Variants in ZNF670 observed in about 807,000 individuals in gnomAD.
The protein encoded by ZNF670 is zinc finger protein 670.
In ZNF670, 7 loss-of-function variants were observed where a neutral mutation model predicts 10.9. The observed-to-expected ratio is 0.64, with a 90% CI of 0.36 to 1.20. The LOEUF is 1.20. Ranked by LOEUF, ZNF670 falls within the 50% of genes most tolerant of loss-of-function variation. The pLI, the probability that ZNF670 is intolerant of heterozygous loss-of-function variation, is 0.02. For synonymous variants in ZNF670, 136 were observed against 152.7 expected (o/e 0.89, Z 0.81); for missense variants, 446 against 458.6 (o/e 0.97, Z 0.25).
chr1:247,037,053 G>A lies in ZNF670; in HGVS notation c.*396C>T, dbSNP rs541445556. 3.3e-3 allele frequency: 526 copies of A among 160,300 alleles called. 1 individual carries two copies. The highest frequency in any genetic ancestry group is 0.012 in the African/African-American group (495 of 41,840). 9.9% of individuals were successfully genotyped at this position (160,300 alleles called of 1,614,324 possible). A position where few individuals can be genotyped will look rare whatever the true frequency, so the allele number is the denominator to read the frequency against. On this transcript the variant is annotated 3_prime_UTR_variant, in exon 4 of 4. Coordinates refer to ENST00000366503, the MANE Select transcript of ZNF670 (RefSeq NM_033213.5). The stretch of plus-strand genomic sequence containing the variant: ...ATAGACAAAAATTATGTTAACTGAT[G>A]AGAAACAAAACACAGCCTATTAAGC...
intron 1 of ZNF670, among the ~76,000 whole-genome samples, chr1:247,054,491 AG>A (rs1382746303): frequency 6.6e-6 from 1 of 152,216 alleles, no homozygotes; most frequent in Non-Finnish European, 1.5e-5. Flanking sequence ...GGCACTGGGC[AG>A]GGTTGTGAGG....
chr1:247,075,668 G>A (rs769681841), intron 1 of ZNF670, among the ~76,000 whole-genome samples: 13 of 152,292 alleles, frequency 8.5e-5, no homozygotes, highest in East Asian at 1.9e-4. Flanking sequence ...AGCCATCCGC[G>A]TAAGACGTGA....
At chr1:247,077,139 CCAA>C (rs1201246324) in intron 1 of ZNF670, among the ~76,000 whole-genome samples, 1 of 152,178 alleles carries the variant, frequency 6.6e-6, no homozygotes, top group African/African-American at 2.4e-5. Flanking sequence ...CTGGCTGCCA[CCAA>C]CGTGTCTCCA....
At chr1:247,072,323 T>G (rs76677644) in intron 1 of ZNF670, among the ~76,000 whole-genome samples, 8,827 of 151,188 alleles carry the variant, frequency 0.058, 453 homozygotes, top group African/African-American at 0.14. Context: ...GTTTTGTTTT[T>G]TTTTTTTTTA....
Position 247,065,827 on chromosome 1 carries a change from G to A in ZNF670, c.3+12767C>T, listed in dbSNP as rs896724143. Among the ~76,000 whole-genome samples, 63 of 152,158 alleles carry A rather than the reference G, an allele frequency of 4.1e-4. 1 individual carries two copies. Among genetic ancestry groups the A allele is most frequent in the Non-Finnish European group, 2.8e-4 (19 of 68,032 alleles). ...AGGAATAAACACATATTTATGAAGG[G>A]TCAGTTTATCCATACATTCCACTGG... On this transcript the variant is annotated intron_variant, in intron 1 of 3. Transcript: ENST00000366503.
At chr1:247,066,911 C>G (rs1670992981) in intron 1 of ZNF670, among the ~76,000 whole-genome samples, 1 of 152,198 alleles carries the variant, frequency 6.6e-6, no homozygotes, top group Non-Finnish European at 1.5e-5. Context: ...CCAATAAGAA[C>G]ATTTTTAAAA....
At chr1:247,046,687 G>C (rs770438106) in intron 1 of ZNF670, among the ~76,000 whole-genome samples, 1 of 152,160 alleles carries the variant, frequency 6.6e-6, no homozygotes, top group Non-Finnish European at 1.5e-5. Context: ...CCCCCACACA[G>C]AGTCCCCACA....
chr1:247,050,474 TTTC>T (rs1375602054), intron 1 of ZNF670, among the ~76,000 whole-genome samples: 2 of 120,888 alleles, frequency 1.7e-5, no homozygotes, highest in East Asian at 2.0e-4. Context: ...GGTGAATTCT[TTTC>T]TTCTTTTTTT....
chr1:247,062,991 C>T lies in ZNF670; in HGVS notation c.3+15603G>A, dbSNP rs145101608. Among the ~76,000 whole-genome samples, 306 of 152,318 alleles carry T rather than the reference C, an allele frequency of 2.0e-3. 4 individuals are homozygous for T. The highest frequency in any genetic ancestry group is 3.4e-3 in the Middle Eastern group (1 of 294). Reference sequence around the variant, plus strand: ...GTGGCTGAGGATACATCACTCTTTACAGTTTCCATAGAGGAATCTCAGCCC... The same window carrying T: ...GTGGCTGAGGATACATCACTCTTTATAGTTTCCATAGAGGAATCTCAGCCC... On this transcript the variant is annotated intron_variant, in intron 1 of 3. Coordinates refer to ENST00000366503, the MANE Select transcript of ZNF670 (RefSeq NM_033213.5).
chr1:247,040,675 ATTTTTATTTTATT>A (rs377722402), intron 1 of ZNF670, among the ~76,000 whole-genome samples: 16 of 152,238 alleles, frequency 1.1e-4, no homozygotes, highest in African/African-American at 2.6e-4. Flanking sequence ...GCAGGAATTT[ATTTTTATTTTATT>A]TTTTTATTTT....
chr1:247,035,133 G>A lies in ZNF670; in HGVS notation c.*2316C>T, dbSNP rs190341959. On this transcript the variant is annotated 3_prime_UTR_variant, in exon 4 of 4. Coordinates refer to ENST00000366503, the MANE Select transcript of ZNF670 (RefSeq NM_033213.5). ...TATGGAACCAGTTAGACAAAAGCAG[G>A]TAGTTAAAGCTGAAAAGATATCATC... 2.8e-3 allele frequency among the ~76,000 whole-genome samples: 425 copies of A among 152,314 alleles called. 4 individuals are homozygous for A. Among genetic ancestry groups the A allele is most frequent in the Non-Finnish European group, 1.6e-3 (109 of 68,040 alleles).
At chr1:247,068,768 A>G (rs1345412102) in intron 1 of ZNF670, among the ~76,000 whole-genome samples, 5 of 149,152 alleles carry the variant, frequency 3.4e-5, no homozygotes, top group Non-Finnish European at 7.4e-5. Flanking sequence ...CTAAGTGTCC[A>G]TCAACAAATG....
At position 247,063,516 on chromosome 1, in the gene ZNF670, G is replaced by A. The variant is rs1670909642; in HGVS notation, c.3+15078C>T. ...GAGAATGGCGTGAACCCAGGAGGCG[G>A]AGCTTGCAGTGAGCCGAGATCGTGC... On this transcript the variant is annotated intron_variant, in intron 1 of 3. Coordinates refer to ENST00000366503, the MANE Select transcript of ZNF670 (RefSeq NM_033213.5). 3.3e-5 allele frequency among the ~76,000 whole-genome samples: 5 copies of A among 150,640 alleles called. 1 individual carries two copies. The South Asian group carries it at 1.1e-3, about 32-fold the overall frequency.
chr1:247,066,592 A>G (rs1472468549), intron 1 of ZNF670, among the ~76,000 whole-genome samples: 2 of 152,178 alleles, frequency 1.3e-5, no homozygotes, highest in Non-Finnish European at 2.9e-5. Context: ...AAGGCCCCTC[A>G]GCCATTTGAA....
chr1:247,038,216 CCTCACA>C lies in ZNF670; in HGVS notation c.397_402del (p.Cys133_Glu134del). 1 of 1,614,170 alleles carries C rather than the reference CCTCACA, an allele frequency of 6.2e-7. No individual in the cohort carries two copies. Among genetic ancestry groups the C allele is most frequent in the Non-Finnish European group, 8.5e-7 (1 of 1,180,028 alleles). ...CAATGATATAACTTCTCTGGACATT[CCTCACA>C]CTCAAATAGTTTGTTTCCAATGTGA... On this transcript the variant is annotated inframe_deletion, in exon 4 of 4. Coordinates refer to ENST00000366503, the MANE Select transcript of ZNF670 (RefSeq NM_033213.5).
In ZNF670 at chr1:247,039,547, C is replaced by G. The variant is rs749178069; in HGVS notation, c.4-10G>C. Reference sequence around the variant, plus strand: ...CAAATGACACTGAATCCTAGAATATCGCACATATGTGGAGAGGAGGATGGC... The same window carrying G: ...CAAATGACACTGAATCCTAGAATATGGCACATATGTGGAGAGGAGGATGGC... On this transcript the variant is annotated splice_polypyrimidine_tract_variant and intron_variant, in intron 1 of 3. Coordinates refer to ENST00000366503, the MANE Select transcript of ZNF670 (RefSeq NM_033213.5). The G allele has an allele frequency of 1.9e-6, 3 of 1,573,988 alleles. No homozygotes were observed. Among genetic ancestry groups the G allele is most frequent in the South Asian group, 2.4e-5 (2 of 84,754 alleles).
Position 247,053,530 on chromosome 1 carries a change from G to A in ZNF670, c.4-13993C>T, listed in dbSNP as rs555983358. Among the ~76,000 whole-genome samples, 95 of 152,266 alleles carry A rather than the reference G, an allele frequency of 6.2e-4. 1 individual carries two copies. The South Asian group carries it at 0.019, about 31-fold the overall frequency. On this transcript the variant is annotated intron_variant, in intron 1 of 3. Coordinates refer to ENST00000366503, the MANE Select transcript of ZNF670 (RefSeq NM_033213.5). ...AGGCGCCTGTAGTCCCAGCTACTCAGGACGCTGAGGCAGGAGAATGGCGTG... is the reference window on the plus strand; with the variant it reads ...AGGCGCCTGTAGTCCCAGCTACTCAAGACGCTGAGGCAGGAGAATGGCGTG...
intron 1 of ZNF670, among the ~76,000 whole-genome samples, chr1:247,063,110 T>C (rs1388469435): frequency 1.1e-4 from 16 of 152,362 alleles, no homozygotes. Context: ...ATTCTCTGCT[T>C]TTCTTTTATG....
intron 1 of ZNF670, among the ~76,000 whole-genome samples, chr1:247,053,097 C>G (rs1051261341): frequency 1.3e-5 from 2 of 152,158 alleles, no homozygotes; most frequent in African/African-American, 4.8e-5. Flanking sequence ...AGGCCTCACG[C>G]AGTTCCCATG....
Sources: gnomAD v4.1 joint callset for allele counts (sites outside exome capture counted in the v4.1 genomes callset) on GRCh38, gnomAD v4.1.1 for gene constraint, MANE v1.5 for transcripts, NCBI Gene and HGNC (gene_info 2026-07-23, HGNC 2026-07-21) for gene names.